The following TOPAZ1 variants were observed in gnomAD, a reference collection of about 807,000 sequenced individuals.
TOPAZ1 encodes the protein testis and ovary specific TOPAZ 1, also known as protein TOPAZ1.
A neutral mutation model predicts 172.2 loss-of-function variants in TOPAZ1; 66 were observed. The ratio of observed to expected loss-of-function variants is 0.38; its 90% CI spans 0.31 to 0.47. The LOEUF is 0.47. Among genes scored for constraint, TOPAZ1 ranks in the 20% least tolerant of loss-of-function variants. The probability of loss-of-function intolerance (pLI) is 0.99; values close to 1 mark genes in which losing one functional copy is unlikely to be tolerated. For synonymous variants in TOPAZ1, 681 were observed against 683.9 expected, an observed-to-expected ratio of 1.00 and a Z score of 0.07; for missense variants, 1,822 against 1,972.4, an observed-to-expected ratio of 0.92 and a Z score of 1.44.
At chr3:44,291,203 G>T (rs6441828) in intron 12 of TOPAZ1, among the ~76,000 whole-genome samples, 127,248 of 151,612 alleles carry the variant, frequency 0.84, 53,473 homozygotes, top group Middle Eastern at 0.93. Context: ...TTACCTTAAT[G>T]CGTTTTTCTA....
At chr3:44,313,947 A>C (rs1178605818) in intron 16 of TOPAZ1, among the ~76,000 whole-genome samples, 1 of 152,214 alleles carries the variant, frequency 6.6e-6, no homozygotes, top group Non-Finnish European at 1.5e-5. Flanking sequence ...CAGCTTATGA[A>C]ATACCCTTGC....
chr3:44,278,620 T>G (rs1699989529), intron 8 of TOPAZ1, among the ~76,000 whole-genome samples: 1 of 152,204 alleles, frequency 6.6e-6, no homozygotes, highest in Non-Finnish European at 1.5e-5. Context: ...TTTCTACTTT[T>G]TCATGTATAG....
intron 12 of TOPAZ1, among the ~76,000 whole-genome samples, chr3:44,302,192 C>A (rs141655000): frequency 6.6e-6 from 1 of 152,064 alleles, no homozygotes; most frequent in African/African-American, 2.4e-5. Context: ...GGGCAGATCA[C>A]GAGGTCAGGA....
intron 2 of TOPAZ1, among the ~76,000 whole-genome samples, chr3:44,245,667 G>A (rs1211432274): frequency 6.6e-6 from 1 of 151,224 alleles, no homozygotes; most frequent in Non-Finnish European, 1.5e-5. Flanking sequence ...CTCCCAAGTA[G>A]CTGGGACTAC....
intron 12 of TOPAZ1, among the ~76,000 whole-genome samples, chr3:44,295,687 C>T (rs1418633101): frequency 1.3e-5 from 2 of 152,012 alleles, no homozygotes; most frequent in Non-Finnish European, 2.9e-5. Context: ...GAAGACATAG[C>T]AATTATAAAG....
Position 44,244,691 on chromosome 3 carries a change from A to G in TOPAZ1, c.2185A>G (p.Asn729Asp). 6.4e-7 allele frequency: 1 copy of G among 1,551,460 alleles called. No homozygotes were observed. Among genetic ancestry groups the G allele is most frequent in the South Asian group, 1.2e-5 (1 of 84,040 alleles). ...TTTATCTGGAGCAGACGTAAGACAG[A>G]ACAGGAGTAAAGAAAATGTCTCCAT... The part of the protein sequence containing the change: ...DNLSGADVRQ[N>D]RSKENVSMMM... The change falls in exon 2 of 20, where the codon AAC (asparagine) becomes GAC (aspartate). Residue 729 changes from asparagine to aspartate, a missense_variant. Physicochemically the swap from Asn to Asp is conservative, Grantham distance 23. Coordinates refer to ENST00000309765, the MANE Select transcript of TOPAZ1 (RefSeq NM_001145030.2).
intron 9 of TOPAZ1, among the ~76,000 whole-genome samples, chr3:44,285,580 G>T (rs1700069401): frequency 6.6e-6 from 1 of 151,304 alleles, no homozygotes; most frequent in Non-Finnish European, 1.5e-5. Context: ...ATTTGTTTTT[G>T]ATTTTTTGAG....
In TOPAZ1 at chr3:44,309,870, A is replaced by G; in HGVS notation, c.4186A>G (p.Thr1396Ala). ...ACTATATGAATTAAAAATACACTTT[A>G]CAAGTTTAAAAGGACTTATAGGGCC... Reference protein sequence around the residue: ...EKLYELKIHFTSLKGLIGPEK... With the variant: ...EKLYELKIHFASLKGLIGPEK... Residue 1396 changes from threonine to alanine, a missense_variant, in exon 16 of 20, where the codon ACA (threonine) becomes GCA (alanine). Coordinates refer to ENST00000309765, the MANE Select transcript of TOPAZ1 (RefSeq NM_001145030.2). 6.5e-7 allele frequency: 1 copy of G among 1,544,556 alleles called. No homozygotes were observed. The highest frequency in any genetic ancestry group is 8.8e-7 in the Non-Finnish European group (1 of 1,141,998).
chr3:44,299,890 G>A (rs1461401743), intron 12 of TOPAZ1, among the ~76,000 whole-genome samples: 2 of 131,658 alleles, frequency 1.5e-5, no homozygotes, highest in Admixed American at 9.3e-5. Flanking sequence ...CTCATAGGTG[G>A]GAATTGAACA....
chr3:44,272,647 C>T (rs1432771786), intron 8 of TOPAZ1, among the ~76,000 whole-genome samples: 1 of 152,086 alleles, frequency 6.6e-6, no homozygotes, highest in Non-Finnish European at 1.5e-5. Context: ...CTGCAGCCTC[C>T]ACCTCCTGGT....
chr3:44,309,046 AAAC>A (rs1700367624), intron 15 of TOPAZ1, among the ~76,000 whole-genome samples: 1 of 152,226 alleles, frequency 6.6e-6, no homozygotes, highest in Admixed American at 6.5e-5. Context: ...TAAATTTAAA[AAAC>A]AACAATCAAA....
intron 12 of TOPAZ1, among the ~76,000 whole-genome samples, chr3:44,299,957 T>TGGGGGGGGGGG (rs59025711): frequency 5.3e-5 from 5 of 94,102 alleles, no homozygotes; most frequent in Admixed American, 2.4e-4. Context: ...TGTTGTGGGG[T>TGGGGGGGGGGG]GGGGGGAGGG....
intron 13 of TOPAZ1, among the ~76,000 whole-genome samples, chr3:44,304,503 A>G (rs1700312776): frequency 6.6e-6 from 1 of 152,144 alleles, no homozygotes; most frequent in Non-Finnish European, 1.5e-5. Context: ...AGAAATGAGG[A>G]CCTTCAGGAT....
At chr3:44,312,948 G>A (rs1054577793) in intron 16 of TOPAZ1, among the ~76,000 whole-genome samples, 1 of 151,882 alleles carries the variant, frequency 6.6e-6, no homozygotes, top group Non-Finnish European at 1.5e-5. Flanking sequence ...CCCAGAAATT[G>A]CTATTATCCA....
chr3:44,318,735 C>T (rs978201556), intron 16 of TOPAZ1, among the ~76,000 whole-genome samples: 7 of 149,824 alleles, frequency 4.7e-5, no homozygotes, highest in African/African-American at 1.7e-4. Context: ...GCACCATCTC[C>T]ATTATCCCTG....
In TOPAZ1 at chr3:44,244,329, T is replaced by C; in HGVS notation, c.1823T>C (p.Val608Ala). The change falls in exon 2 of 20, where the codon GTA (valine) becomes GCA (alanine). Residue 608 changes from valine to alanine, a missense_variant. Coordinates refer to ENST00000309765, the MANE Select transcript of TOPAZ1 (RefSeq NM_001145030.2). The stretch of plus-strand genomic sequence containing the variant: ...GAACTGAGCAGAAGAGGGTCAGAGG[T>C]AATTTCTAACACTACTGAAGATACT... ...SEELSRRGSE[V>A]ISNTTEDTQL... 3 of 1,550,612 alleles carry C rather than the reference T, an allele frequency of 1.9e-6. No individual in the cohort carries two copies. The highest frequency in any genetic ancestry group is 1.2e-5 in the South Asian group (1 of 83,670).
At chr3:44,242,613 C>T (rs999088270) in intron 1 of TOPAZ1, among the ~76,000 whole-genome samples, 1 of 152,078 alleles carries the variant, frequency 6.6e-6, no homozygotes, top group Admixed American at 6.5e-5. Flanking sequence ...ACTTGTGGTC[C>T]ATTTTGGCTA....
chr3:44,255,714 C>T (rs1699694581), intron 3 of TOPAZ1, among the ~76,000 whole-genome samples: 1 of 74,580 alleles, frequency 1.3e-5, no homozygotes, highest in South Asian at 4.0e-4. Flanking sequence ...CACACACACA[C>T]ACACACATAT....
intron 19 of TOPAZ1, among the ~76,000 whole-genome samples, chr3:44,330,436 C>T (rs1358599102): frequency 1.3e-5 from 2 of 152,288 alleles, no homozygotes; most frequent in East Asian, 3.9e-4. Flanking sequence ...CTAAGCCCTG[C>T]CTTGTTACAT....
Sources: gnomAD v4.1 joint callset for allele counts (sites outside exome capture counted in the v4.1 genomes callset) on GRCh38, gnomAD v4.1.1 for gene constraint, MANE v1.5 for transcripts, NCBI Gene and HGNC (gene_info 2026-07-23, HGNC 2026-07-21) for gene names.